The following TMEM131L variants were observed in gnomAD, a reference collection of about 807,000 sequenced individuals.
TMEM131L encodes transmembrane 131 like.
Under a neutral mutation model 192.2 loss-of-function variants are expected in TMEM131L, and 54 were observed. The ratio of observed to expected loss-of-function variants is 0.28; its 90% CI spans 0.23 to 0.35. TMEM131L has a LOEUF of 0.35. TMEM131L is among the 10% of genes least tolerant of loss of function. TMEM131L has a pLI of 1.00. For synonymous variants in TMEM131L, 701 were observed against 704.9 expected (o/e 0.99, Z 0.09); for missense variants, 1,888 against 1,972.9 (o/e 0.96, Z 0.82).
chr4:153,593,893 G>A, intron 19 of TMEM131L, 22 bp downstream of exon 19: 1 of 1,548,142 alleles, frequency 6.5e-7, no homozygotes, highest in Non-Finnish European at 8.9e-7. Flanking sequence ...TCCTAAAACA[G>A]AAAAAAGAAT....
chr4:153,542,033 CAGGAGGGATGA>C, intron 3 of TMEM131L, among the ~76,000 whole-genome samples: 1 of 152,202 alleles, frequency 6.6e-6, no homozygotes, highest in South Asian at 2.1e-4. Flanking sequence ...TTTCCGAATC[CAGGAGGGATGA>C]CCATGGGAAA....
At chr4:153,580,987 C>G (rs939376313) in intron 8 of TMEM131L, 84 bp downstream of exon 8, 1 of 966,070 alleles carries the variant, frequency 1.0e-6, no homozygotes, top group African/African-American at 1.7e-5. Flanking sequence ...GGCGCTGTGG[C>G]TCATGCCTGT....
chr4:153,535,685 G>C (rs1736263596), intron 3 of TMEM131L, among the ~76,000 whole-genome samples: 1 of 152,088 alleles, frequency 6.6e-6, no homozygotes, highest in African/African-American at 2.4e-5. Context: ...CCTTCCTATT[G>C]CTCTTGAGTT....
chr4:153,589,188 TAGA>T (rs1229628096), intron 16 of TMEM131L, among the ~76,000 whole-genome samples, 181 bp downstream of exon 16: 1 of 152,176 alleles, frequency 6.6e-6, no homozygotes. Flanking sequence ...ATTTCACAAA[TAGA>T]AGATTCATTC....
chr4:153,588,783 C>G, intron 15 of TMEM131L, 107 bp from the exon 16 acceptor site: 1 of 649,982 alleles, frequency 1.5e-6, no homozygotes, highest in Non-Finnish European at 2.7e-6. Context: ...TTTATTAACT[C>G]TACAGTCCTC....
intron 3 of TMEM131L, among the ~76,000 whole-genome samples, chr4:153,489,196 C>T (rs1732587891): frequency 6.6e-6 from 1 of 152,152 alleles, no homozygotes; most frequent in Non-Finnish European, 1.5e-5. Flanking sequence ...CTTGCCCTCC[C>T]CCAACACCAG....
At chr4:153,635,671 G>A (rs766649809) in intron 34 of TMEM131L, 100 bp downstream of exon 34, 220 of 1,372,790 alleles carry the variant, frequency 1.6e-4, no homozygotes, top group Non-Finnish European at 2.2e-4. Context: ...CGTTGGGTTT[G>A]GACCAGCCAA....
chr4:153,525,068 G>A, intron 3 of TMEM131L, among the ~76,000 whole-genome samples: 1 of 152,208 alleles, frequency 6.6e-6, no homozygotes, highest in Non-Finnish European at 1.5e-5. Flanking sequence ...ACGTAATGAT[G>A]CTGAGTGTAA....
At chr4:153,497,402 A>G (rs550772330) in intron 3 of TMEM131L, among the ~76,000 whole-genome samples, 7 of 152,046 alleles carry the variant, frequency 4.6e-5, no homozygotes, top group Non-Finnish European at 1.0e-4. Flanking sequence ...GTTAGGCCTC[A>G]TGCTGCTTGA....
At chr4:153,486,152 TG>T (rs1732315873) in intron 3 of TMEM131L, among the ~76,000 whole-genome samples, 1 of 152,044 alleles carries the variant, frequency 6.6e-6, no homozygotes, top group Non-Finnish European at 1.5e-5. Flanking sequence ...AGCAAATCCC[TG>T]AAAAAAAAAG....
intron 29 of TMEM131L, among the ~76,000 whole-genome samples, chr4:153,625,862 C>T (rs1278237017): frequency 6.6e-6 from 1 of 150,758 alleles, no homozygotes; most frequent in Non-Finnish European, 1.5e-5. Flanking sequence ...GTGCCGAGAT[C>T]ACACCATTGC....
chr4:153,527,451 C>T lies in TMEM131L; in HGVS notation c.240-22622C>T, dbSNP rs115277935. The stretch of plus-strand genomic sequence containing the variant: ...CCATGCCCGGCTAAGTTTTTGTATT[C>T]TTTGGTAGAGACAGGGTTTCACCAT... On this transcript the variant is annotated intron_variant, in intron 3 of 34. Transcript: ENST00000409959. Among the ~76,000 whole-genome samples, 1,072 of 152,024 alleles carry T rather than the reference C, an allele frequency of 7.1e-3. 17 individuals are homozygous for T. The highest frequency in any genetic ancestry group is 0.024 in the African/African-American group (1,011 of 41,470).
rs1731613924 is a variant in TMEM131L, at chr4:153,598,587, C to T, written c.2124-3C>T. 6.2e-7 allele frequency: 1 copy of T among 1,611,646 alleles called. No homozygotes were observed. Among genetic ancestry groups the T allele is most frequent in the Admixed American group, 1.7e-5 (1 of 59,942 alleles). Reference sequence around the variant, plus strand: ...TTTTTATATCTATTTCCTTTCACTACAGGAATAACTTGACTGTTATTGACA... The same window carrying T: ...TTTTTATATCTATTTCCTTTCACTATAGGAATAACTTGACTGTTATTGACA... On this transcript the variant is annotated splice_region_variant and splice_polypyrimidine_tract_variant and intron_variant, in intron 20 of 34. Coordinates refer to ENST00000409959, the MANE Select transcript of TMEM131L (RefSeq NM_001131007.2).
intron 3 of TMEM131L, among the ~76,000 whole-genome samples, chr4:153,537,942 A>AT (rs1431720182): frequency 2.0e-5 from 3 of 152,010 alleles, no homozygotes; most frequent in African/African-American, 4.8e-5. Flanking sequence ...ACTTTCCCTG[A>AT]TTTTTTCTCT....
chr4:153,572,620 C>A (rs1052192083), intron 7 of TMEM131L, among the ~76,000 whole-genome samples: 1 of 152,130 alleles, frequency 6.6e-6, no homozygotes, highest in East Asian at 1.9e-4. Context: ...CATGAGCCAC[C>A]GCACCCGGCC....
At chr4:153,552,206 C>G (rs1737678246) in intron 4 of TMEM131L, among the ~76,000 whole-genome samples, 1 of 151,612 alleles carries the variant, frequency 6.6e-6, no homozygotes, top group Admixed American at 6.6e-5. Flanking sequence ...GAGGGAGACT[C>G]TGTCTCAAAA....
intron 7 of TMEM131L, among the ~76,000 whole-genome samples, chr4:153,562,311 C>T (rs1209967152): frequency 3.3e-5 from 5 of 152,194 alleles, no homozygotes; most frequent in East Asian, 3.8e-4. Flanking sequence ...GCTGGAATTA[C>T]AGGCATGAGC....
intron 26 of TMEM131L, among the ~76,000 whole-genome samples, chr4:153,619,085 G>A (rs1733204336): frequency 6.6e-6 from 1 of 152,166 alleles, no homozygotes; most frequent in African/African-American, 2.4e-5. Flanking sequence ...AGTCCTGAAT[G>A]TACTCACCCT....
intron 4 of TMEM131L, among the ~76,000 whole-genome samples, chr4:153,553,256 G>T (rs56195346): frequency 2.6e-5 from 4 of 151,990 alleles, no homozygotes; most frequent in African/African-American, 9.7e-5. Context: ...TGTGTGTATC[G>T]TTTTCAAATA....
Sources: gnomAD v4.1 joint callset for allele counts (sites outside exome capture counted in the v4.1 genomes callset) on GRCh38, gnomAD v4.1.1 for gene constraint, MANE v1.5 for transcripts, NCBI Gene and HGNC (gene_info 2026-07-23, HGNC 2026-07-21) for gene names.